Variants in ZNF706 observed in about 807,000 individuals in gnomAD.
ZNF706 encodes transcriptional regulator ZNF706.
Under a neutral mutation model 9.2 loss-of-function variants are expected in ZNF706, and 4 were observed. The observed-to-expected ratio is 0.43, with a 90% CI of 0.21 to 0.99. The LOEUF (loss-of-function observed/expected upper bound fraction) is 0.99. Among genes scored for constraint, ZNF706 ranks in the 50% least tolerant of loss-of-function variants. ZNF706 has a pLI of 0.26. For missense variants in ZNF706, 27 were observed against 87.8 expected (o/e 0.31, Z 2.77); for synonymous variants, 28 against 27.3 (o/e 1.03, Z -0.08).
chr8:101,197,952 T>C lies in ZNF706; in HGVS notation c.*1300A>G, dbSNP rs1810423459. 1 of 152,226 alleles carries C rather than the reference T, an allele frequency of 6.6e-6. No homozygotes were observed. Among genetic ancestry groups the C allele is most frequent in the Non-Finnish European group, 1.5e-5 (1 of 68,022 alleles). The allele number at this position is 152,226 out of a possible 1,614,324, so 9.4% of individuals were successfully genotyped here. A position where few individuals can be genotyped will look rare whatever the true frequency, so the allele number is the denominator to read the frequency against. ...ATCCACAGGATCAGATAAATGGCTC[T>C]AAGCAGTTACCAGTAAGTATTTTAG... On this transcript the variant is annotated 3_prime_UTR_variant, in exon 4 of 4. Coordinates refer to ENST00000311212, the MANE Select transcript of ZNF706 (RefSeq NM_016096.5).
intron 1 of ZNF706, chr8:101,202,578 A>G (rs1810601369): frequency 1.3e-5 from 2 of 152,238 alleles, no homozygotes; most frequent in Admixed American, 1.3e-4. Context: ...CAAAACAGGC[A>G]AAGCTAATCT....
Position 101,205,012 on chromosome 8 carries a change from C to G in ZNF706, c.-3+423G>C, listed in dbSNP as rs555933480. 2.2e-6 allele frequency: 2 copies of G among 905,544 alleles called. No homozygotes were observed. The highest frequency in any genetic ancestry group is 2.4e-4 in the East Asian group (2 of 8,382). The allele number at this position is 905,544 out of a possible 1,614,324, so 56.1% of individuals were successfully genotyped here. ...AGCCTGGCGCACCTTCCTTCCCAAA[C>G]CCGCCTCTCCCGCCTCGGAGACCCC... is the stretch of plus-strand genomic sequence containing the variant. On this transcript the variant is annotated intron_variant, in intron 1 of 3. Coordinates refer to ENST00000311212, the MANE Select transcript of ZNF706 (RefSeq NM_016096.5). The surrounding 1 kb of genome is among the most constrained non-coding windows in gnomAD (Gnocchi z 6.6).
chr8:101,200,962 AC>A, intron 2 of ZNF706: 1 of 254,320 alleles, frequency 3.9e-6, no homozygotes, highest in Non-Finnish European at 8.2e-6. Flanking sequence ...CAGCTGGGAG[AC>A]CCCACACAAA....
At chr8:101,203,354 G>T (rs949928209) in intron 1 of ZNF706, 1 of 152,100 alleles carries the variant, frequency 6.6e-6, no homozygotes, top group Non-Finnish European at 1.5e-5. Flanking sequence ...GACTAGTACT[G>T]TAACTGAATG....
At position 101,197,721 on chromosome 8, in the gene ZNF706, T is replaced by C. The variant is rs1189517771; in HGVS notation, c.*1531A>G. 6.6e-6 allele frequency: 1 copy of C among 152,158 alleles called. No homozygotes were observed. The highest frequency in any genetic ancestry group is 2.4e-5 in the African/African-American group (1 of 41,446). The allele number at this position is 152,158 out of a possible 1,614,324, so 9.4% of individuals were successfully genotyped here. On this transcript the variant is annotated 3_prime_UTR_variant, in exon 4 of 4. Coordinates refer to ENST00000311212, the MANE Select transcript of ZNF706 (RefSeq NM_016096.5). The stretch of plus-strand genomic sequence containing the variant: ...ATGTTAGGAAACAACAGATATTACA[T>C]CTGAAACTTAGGAAATAAAATACAC...
In ZNF706 at chr8:101,201,658, G is replaced by A. The variant is rs769502661; in HGVS notation, c.84C>T (p.Asp28=). Residue 28 remains aspartate, a synonymous_variant, in exon 2 of 4, where the codon GAC becomes GAT. Coordinates refer to ENST00000311212, the MANE Select transcript of ZNF706 (RefSeq NM_016096.5). This position sits in a 1 kb window ranked among gnomAD's most constrained non-coding sequence, Gnocchi z 4.5. ...AGGCAGCTTTGGCAGCAGCCTTTTG[G>A]TCATGTCCTTGTTTCTTCTTTTGTC... The part of the protein sequence containing the change: ...QAGQKKKQGH[D]QKAAAKAALI... 1.9e-6 allele frequency: 3 copies of A among 1,612,994 alleles called. No homozygotes were observed. The highest frequency in any genetic ancestry group is 1.1e-5 in the South Asian group (1 of 91,024).
At chr8:101,200,480 C>T (rs1810518544) in intron 2 of ZNF706, among the ~76,000 whole-genome samples, 1 of 152,104 alleles carries the variant, frequency 6.6e-6, no homozygotes, top group Admixed American at 6.5e-5. Context: ...TTAATTTGCC[C>T]AAGACCTTAT....
At position 101,197,482 on chromosome 8, in the gene ZNF706, T is replaced by G. The variant is rs1223378039; in HGVS notation, c.*1770A>C. 6.6e-6 allele frequency: 1 copy of G among 151,950 alleles called. No individual in the cohort carries two copies. Among genetic ancestry groups the G allele is most frequent in the African/African-American group, 2.4e-5 (1 of 41,344 alleles). 9.4% of individuals were successfully genotyped at this position (151,950 alleles called of 1,614,324 possible). A position where few individuals can be genotyped will look rare whatever the true frequency, so the allele number is the denominator to read the frequency against. On this transcript the variant is annotated 3_prime_UTR_variant, in exon 4 of 4. Coordinates refer to ENST00000311212, the MANE Select transcript of ZNF706 (RefSeq NM_016096.5). ...GTCTTCAGCTGCTTATAAAAAAGGG[T>G]TAAATACAAGAACAAAAAAACTTTC...
At chr8:101,204,097 T>C (rs1810663221) in intron 1 of ZNF706, 1 of 152,248 alleles carries the variant, frequency 6.6e-6, no homozygotes, top group Non-Finnish European at 1.5e-5. Context: ...ACTGATTTTG[T>C]GGGAAATCTT....
intron 1 of ZNF706, chr8:101,202,284 C>CAAAAAAACA: frequency 1.2e-5 from 1 of 81,626 alleles, no homozygotes; most frequent in Non-Finnish European, 2.2e-5. Flanking sequence ...ACTAAAAATA[C>CAAAAAAACA]AAAAAAAAAA....
chr8:101,201,411 G>A lies in ZNF706; in HGVS notation c.135+196C>T. 1 of 557,736 alleles carries A rather than the reference G, an allele frequency of 1.8e-6. No homozygotes were observed. The allele number at this position is 557,736 out of a possible 1,614,324, so 34.5% of individuals were successfully genotyped here. ...TCACTCTGTTTTCCCAGCACCTAGA[G>A]ATTTTTGCCTGGCCACAGGAGCCAT... is the stretch of plus-strand genomic sequence containing the variant. On this transcript the variant is annotated intron_variant, in intron 2 of 3. Transcript: ENST00000311212. The surrounding 1 kb of genome is among the most constrained non-coding windows in gnomAD (Gnocchi z 4.5).
Position 101,201,920 on chromosome 8 carries a change from C to T in ZNF706, c.-2-177G>A, listed in dbSNP as rs1182822038. Among the ~76,000 whole-genome samples, 1 of 152,026 alleles carries T rather than the reference C, an allele frequency of 6.6e-6. No individual in the cohort carries two copies. Among genetic ancestry groups the T allele is most frequent in the African/African-American group, 2.4e-5 (1 of 41,380 alleles). ...GCTACAAAAGTATCAATTGACACAA[C>T]CCTGTGGAAAACTAGTTGGTAGCTG... On this transcript the variant is annotated intron_variant, in intron 1 of 3. Coordinates refer to ENST00000311212, the MANE Select transcript of ZNF706 (RefSeq NM_016096.5). This position sits in a 1 kb window ranked among gnomAD's most constrained non-coding sequence, Gnocchi z 4.5.
chr8:101,200,017 A>G lies in ZNF706; in HGVS notation c.216T>C (p.Ala72=), dbSNP rs1401239120. ...GTAAACAACCTTATGCCTGAACATC[A>G]GCTAATTCTGGAGGAAGTGGAGTCT... is the stretch of plus-strand genomic sequence containing the variant. ...HPKTPLPPEL[A]DVQA is the part of the protein sequence containing the mutation. Residue 72 remains alanine, a synonymous_variant, in exon 3 of 4, where the codon GCT becomes GCC. Transcript: ENST00000311212. 7.4e-6 allele frequency: 12 copies of G among 1,611,690 alleles called. No homozygotes were observed. The highest frequency in any genetic ancestry group is 1.0e-5 in the Non-Finnish European group (12 of 1,179,504).
At chr8:101,204,615 A>C (rs1586269996) in intron 1 of ZNF706, 2 of 985,426 alleles carry the variant, frequency 2.0e-6, no homozygotes. Context: ...TAAATGCGAC[A>C]AACTGGAGGG....
chr8:101,204,588 T>A, intron 1 of ZNF706: 1 of 982,590 alleles, frequency 1.0e-6, no homozygotes, highest in Non-Finnish European at 1.2e-6. Context: ...CGTAGGCAGC[T>A]ACAACCGCTC....
At position 101,198,743 on chromosome 8, in the gene ZNF706, C is replaced by T. The variant is rs1810453341; in HGVS notation, c.*509G>A. On this transcript the variant is annotated 3_prime_UTR_variant, in exon 4 of 4. Transcript: ENST00000311212. ...ATAAGTCATTTTTCACCTAGATCAT[C>T]AGCTGCCCATAAAATCGTATGCACA... 1 of 153,288 alleles carries T rather than the reference C, an allele frequency of 6.5e-6. No individual in the cohort carries two copies. The highest frequency in any genetic ancestry group is 2.4e-5 in the African/African-American group (1 of 41,464). The allele number at this position is 153,288 out of a possible 1,614,324, so 9.5% of individuals were successfully genotyped here. A position where few individuals can be genotyped will look rare whatever the true frequency, so the allele number is the denominator to read the frequency against.
rs1219890518 is a variant in ZNF706, at chr8:101,199,053, C to T, written c.*199G>A. The T allele has an allele frequency of 9.0e-6, 4 of 444,344 alleles. No individual in the cohort carries two copies. Among genetic ancestry groups the T allele is most frequent in the African/African-American group, 2.0e-5 (1 of 50,464 alleles). The allele number at this position is 444,344 out of a possible 1,614,324, so 27.5% of individuals were successfully genotyped here. ...AAGGATGGACTGATTTTCATATTTC[C>T]AAATCAGAGTCAACTGTACATTTAC... On this transcript the variant is annotated 3_prime_UTR_variant, in exon 4 of 4. Coordinates refer to ENST00000311212, the MANE Select transcript of ZNF706 (RefSeq NM_016096.5).
intron 2 of ZNF706, among the ~76,000 whole-genome samples, chr8:101,200,585 A>G (rs1810522174): frequency 6.6e-6 from 1 of 152,214 alleles, no homozygotes. Context: ...AACCCATTAA[A>G]TTACACAAAA....
intron 1 of ZNF706, chr8:101,202,577 C>T (rs1201304839): frequency 3.3e-5 from 5 of 152,068 alleles, no homozygotes; most frequent in African/African-American, 9.7e-5. Flanking sequence ...TCAAAACAGG[C>T]AAAGCTAATC....
Sources: allele counts gnomAD v4.1 joint callset (sites outside exome capture counted in the v4.1 genomes callset), GRCh38; gene constraint gnomAD v4.1.1; non-coding constraint Gnocchi (gnomAD v3.1); transcripts MANE v1.5; gene names NCBI Gene and HGNC (gene_info 2026-07-23, HGNC 2026-07-21).